The following NPSR1 variants were observed in gnomAD, a reference collection of about 807,000 sequenced individuals.
NPSR1 encodes neuropeptide S receptor.
NPSR1 carries 48 observed loss-of-function variants against 46.9 expected under a neutral mutation model. That is an observed-to-expected ratio of 1.02 (90% confidence interval 0.81 to 1.30). NPSR1 has a LOEUF of 1.30. Ranked by LOEUF, NPSR1 falls within the 50% of genes most tolerant of loss-of-function variation. NPSR1 has a pLI of 0.00. For synonymous variants in NPSR1, 176 were observed against 168.1 expected (o/e 1.05, Z -0.36); for missense variants, 450 against 449.5 (o/e 1.00, Z -0.01).
chr7:34,864,738 CAAAG>C (rs1791269870), intron 8 of NPSR1, among the ~76,000 whole-genome samples: 3 of 151,796 alleles, frequency 2.0e-5, no homozygotes, highest in African/African-American at 7.3e-5. Flanking sequence ...TAAAATAAAA[CAAAG>C]AGAACAGAGA....
At chr7:34,821,080 G>T (rs1035767476) in intron 4 of NPSR1, among the ~76,000 whole-genome samples, 2 of 151,800 alleles carry the variant, frequency 1.3e-5, no homozygotes, top group Non-Finnish European at 2.9e-5. Context: ...AAGGTTGGGG[G>T]GCCTTATAAC....
intron 8 of NPSR1, among the ~76,000 whole-genome samples, chr7:34,873,911 C>A (rs1410160461): frequency 6.6e-6 from 1 of 151,658 alleles, no homozygotes; most frequent in Non-Finnish European, 1.5e-5. Flanking sequence ...TCAACCTCCC[C>A]TGAGTGCAGC....
chr7:34,691,693 C>G (rs1206106500), intron 2 of NPSR1, among the ~76,000 whole-genome samples: 1 of 152,158 alleles, frequency 6.6e-6, no homozygotes, highest in African/African-American at 2.4e-5. Flanking sequence ...ACGACCAACA[C>G]TGGAGAGCCC....
At chr7:34,868,183 G>A (rs1003025580) in intron 8 of NPSR1, among the ~76,000 whole-genome samples, 4 of 151,638 alleles carry the variant, frequency 2.6e-5, no homozygotes, top group Admixed American at 6.5e-5. Context: ...CAGGGAATGT[G>A]GGGATGTAGA....
chr7:34,844,988 C>G lies in NPSR1; in HGVS notation c.844+6C>G, dbSNP rs1584135919. ...TAGCATCATCATCATTCTTGGTAAG[C>G]AATGTCCCTCCTTGAGCTGTAAAGT... On this transcript the variant is annotated splice_donor_region_variant and intron_variant, in intron 7 of 8. Coordinates refer to ENST00000360581, the MANE Select transcript of NPSR1 (RefSeq NM_207172.2). 1.1e-5 allele frequency: 18 copies of G among 1,598,578 alleles called. No homozygotes were observed. The East Asian group carries it at 4.0e-4, about 36-fold the overall frequency.
downstream of NPSR1, among the ~76,000 whole-genome samples, chr7:34,852,349 G>GAGGA (rs1426088432): frequency 6.6e-6 from 1 of 152,064 alleles, no homozygotes; most frequent in Non-Finnish European, 1.5e-5. Context: ...GGGAGGAAGG[G>GAGGA]AGGAAGGAAG....
At chr7:34,746,310 A>G (rs112077188) in intron 2 of NPSR1, among the ~76,000 whole-genome samples, 1 of 152,234 alleles carries the variant, frequency 6.6e-6, no homozygotes, top group Non-Finnish European at 1.5e-5. Flanking sequence ...TTAATAGTGC[A>G]ATAGAGTAAG....
In NPSR1 at chr7:34,827,567, C is replaced by T; in HGVS notation, c.645C>T (p.Ala215=). The T allele has an allele frequency of 1.4e-6, 2 of 1,465,666 alleles. No homozygotes were observed. Among genetic ancestry groups the T allele is most frequent in the South Asian group, 1.1e-5 (1 of 89,258 alleles). 90.8% of individuals were successfully genotyped at this position (1,465,666 alleles called of 1,614,324 possible). ...GGACCCCATACATGACCATCGTGGCCTTCCTGGTGTACTTCATCCCTCTGA... is the reference window on the plus strand; with the variant it reads ...GGACCCCATACATGACCATCGTGGCTTTCCTGGTGTACTTCATCCCTCTGA... ...SYWTPYMTIV[A]FLVYFIPLTI... Residue 215 remains alanine, a synonymous_variant, in exon 5 of 9, where the codon GCC becomes GCT. Transcript: ENST00000360581.
chr7:34,749,434 A>G (rs1378577967), intron 2 of NPSR1, among the ~76,000 whole-genome samples: 1 of 152,232 alleles, frequency 6.6e-6, no homozygotes, highest in Non-Finnish European at 1.5e-5. Flanking sequence ...TGTTCCAAAC[A>G]CGTGGGACAT....
At chr7:34,763,471 A>C (rs1786276169) in intron 2 of NPSR1, among the ~76,000 whole-genome samples, 1 of 152,180 alleles carries the variant, frequency 6.6e-6, no homozygotes, top group Non-Finnish European at 1.5e-5. Flanking sequence ...AACTAAAAAT[A>C]ATAATCTCTG....
chr7:34,804,715 G>A (rs1450221365), intron 3 of NPSR1, among the ~76,000 whole-genome samples: 4 of 151,742 alleles, frequency 2.6e-5, no homozygotes, highest in Admixed American at 6.6e-5. Context: ...TTTATACATT[G>A]GAAAAGATGA....
At chr7:34,749,468 C>T (rs973693956) in intron 2 of NPSR1, among the ~76,000 whole-genome samples, 2 of 152,144 alleles carry the variant, frequency 1.3e-5, no homozygotes, top group Non-Finnish European at 2.9e-5. Context: ...AGTAAGTATA[C>T]CCACCCTAAT....
intron 2 of NPSR1, among the ~76,000 whole-genome samples, chr7:34,741,425 T>C (rs1458774160): frequency 1.3e-5 from 2 of 152,180 alleles, no homozygotes; most frequent in African/African-American, 2.4e-5. Flanking sequence ...TTCCCCCATA[T>C]ATCTTCTTTC....
chr7:34,755,998 A>G (rs1276628897), intron 2 of NPSR1, among the ~76,000 whole-genome samples: 1 of 152,214 alleles, frequency 6.6e-6, no homozygotes, highest in Non-Finnish European at 1.5e-5. Flanking sequence ...CAAGTAGGGA[A>G]TCACAGTACA....
intron 3 of NPSR1, chr7:34,779,606 G>A (rs1415341503): frequency 4.7e-6 from 6 of 1,270,186 alleles, no homozygotes; most frequent in African/African-American, 3.1e-5. Flanking sequence ...ATCTTCTTTT[G>A]TGCTCTGAAT....
chr7:34,878,244 A>G, exon 9 of NPSR1: 2 of 991,278 alleles, frequency 2.0e-6, no homozygotes, highest in Non-Finnish European at 3.1e-6. Flanking sequence ...ACTGCTTACC[A>G]GGGCACAAGG....
intron 2 of NPSR1, among the ~76,000 whole-genome samples, chr7:34,777,742 G>A (rs1787037296): frequency 6.6e-6 from 1 of 152,114 alleles, no homozygotes; most frequent in Non-Finnish European, 1.5e-5. Context: ...TCATGGAGGG[G>A]TGAGGGGCAG....
intron 1 of NPSR1, among the ~76,000 whole-genome samples, chr7:34,675,907 G>T (rs550551944): frequency 6.6e-6 from 1 of 152,286 alleles, no homozygotes; most frequent in African/African-American, 2.4e-5. Flanking sequence ...TTTCCACTCA[G>T]TATTGGACCA....
intron 3 of NPSR1, among the ~76,000 whole-genome samples, chr7:34,792,665 T>TTTTA (rs1554331486): frequency 2.5e-5 from 2 of 78,774 alleles, no homozygotes; most frequent in Non-Finnish European, 5.6e-5. Flanking sequence ...ATATATATAT[T>TTTTA]TATATATATG....
Sources: gnomAD v4.1 joint callset for allele counts (sites outside exome capture counted in the v4.1 genomes callset) on GRCh38, gnomAD v4.1.1 for gene constraint, MANE v1.5 for transcripts, NCBI Gene and HGNC (gene_info 2026-07-23, HGNC 2026-07-21) for gene names.